The following NXPH1 variants were observed in gnomAD, a reference collection of about 807,000 sequenced individuals.
NXPH1 encodes the protein neurexophilin-1.
A neutral mutation model predicts 23.7 loss-of-function variants in NXPH1; 5 were observed. The observed-to-expected ratio is 0.21, with a 90% CI of 0.11 to 0.44. The LOEUF is 0.44. Among genes scored for constraint, NXPH1 ranks in the 20% least tolerant of loss-of-function variants. The probability of loss-of-function intolerance (pLI) is 0.99; values close to 1 mark genes in which losing one functional copy is unlikely to be tolerated. For synonymous variants in NXPH1, 144 were observed against 122.2 expected (o/e 1.18, Z -1.18); for missense variants, 324 against 321.6 (o/e 1.01, Z -0.06).
chr7:8,689,153 A>G (rs1201750082), intron 2 of NXPH1, among the ~76,000 whole-genome samples: 1 of 152,170 alleles, frequency 6.6e-6, no homozygotes, highest in African/African-American at 2.4e-5. Flanking sequence ...CTAACTTCAT[A>G]TAGGAGGATA....
chr7:8,662,983 G>C (rs1820704070), intron 2 of NXPH1, among the ~76,000 whole-genome samples: 1 of 152,042 alleles, frequency 6.6e-6, no homozygotes, highest in African/African-American at 2.4e-5. Context: ...TTATAACACA[G>C]TAAGTGCTAA....
chr7:8,481,315 C>A (rs562640202), intron 2 of NXPH1, among the ~76,000 whole-genome samples: 1 of 152,224 alleles, frequency 6.6e-6, no homozygotes, highest in Admixed American at 6.5e-5. Context: ...TTCAGAGATA[C>A]CTACGCAGAG....
chr7:8,446,791 A>G (rs1816411841), intron 2 of NXPH1, among the ~76,000 whole-genome samples: 2 of 149,230 alleles, frequency 1.3e-5, no homozygotes, highest in South Asian at 4.2e-4. Flanking sequence ...GGAATGAAGC[A>G]TTTTTTTTTT....
chr7:8,709,378 G>C (rs532825839), intron 2 of NXPH1, among the ~76,000 whole-genome samples: 1 of 152,190 alleles, frequency 6.6e-6, no homozygotes, highest in African/African-American at 2.4e-5. Flanking sequence ...GGTGGGATGA[G>C]TATAAAGAAA....
At chr7:8,745,808 C>A (rs1450554249) in intron 2 of NXPH1, among the ~76,000 whole-genome samples, 1 of 142,078 alleles carries the variant, frequency 7.0e-6, no homozygotes, top group Non-Finnish European at 1.5e-5. Context: ...ACCTCTTTAT[C>A]CTCCTGCCTT....
intron 2 of NXPH1, among the ~76,000 whole-genome samples, chr7:8,576,022 G>C (rs1584243657): frequency 6.6e-6 from 1 of 152,044 alleles, no homozygotes; most frequent in South Asian, 2.1e-4. Flanking sequence ...ATCTCAATAG[G>C]GGATGGGTAT....
rs1583249288 is a variant in NXPH1 at position 8,728,595 on chromosome 7, A to C, written c.55-22413A>C. On this transcript the variant is annotated intron_variant, in intron 2 of 2. Transcript: ENST00000405863. ...GGCCTTTTCTGCATCTATTGAGATA[A>C]TCATGTGGTTTTTGTCTTTGGCTCT... 2.0e-5 allele frequency among the ~76,000 whole-genome samples: 3 copies of C among 152,166 alleles called. No individual in the cohort carries two copies. In the East Asian group the frequency reaches 5.8e-4, roughly 29 times the overall value.
At chr7:8,600,168 G>C (rs1819324837) in intron 2 of NXPH1, among the ~76,000 whole-genome samples, 1 of 152,020 alleles carries the variant, frequency 6.6e-6, no homozygotes, top group Non-Finnish European at 1.5e-5. Flanking sequence ...AGGGCATTGG[G>C]TATATACTCG....
chr7:8,471,486 C>T (rs1349154960), intron 2 of NXPH1, among the ~76,000 whole-genome samples: 1 of 152,104 alleles, frequency 6.6e-6, no homozygotes. Flanking sequence ...AAGATGGGGA[C>T]TGCTGAATCA....
In NXPH1 at chr7:8,751,746, A is replaced by G. The variant is rs1780568089; in HGVS notation, c.793A>G (p.Thr265Ala). Residue 265 changes from threonine (T) to alanine (A), a missense_variant, in exon 3 of 3, where the codon ACA (threonine) becomes GCA (alanine). Coordinates refer to ENST00000405863, the MANE Select transcript of NXPH1 (RefSeq NM_152745.3). This position sits in a 1 kb window ranked among gnomAD's most constrained non-coding sequence, Gnocchi z 4.5. Reference protein sequence around the residue: ...VCPDYNYHSDTPYFPSG With the variant: ...VCPDYNYHSDAPYFPSG ...CCCTGACTACAACTACCACAGTGACACACCTTACTTTCCCTCGGGATGAAG... is the reference window on the plus strand; with the variant it reads ...CCCTGACTACAACTACCACAGTGACGCACCTTACTTTCCCTCGGGATGAAG... 6.2e-7 allele frequency: 1 copy of G among 1,611,266 alleles called. No individual in the cohort carries two copies.
chr7:8,468,190 T>G (rs909828622), intron 2 of NXPH1, among the ~76,000 whole-genome samples: 8 of 152,110 alleles, frequency 5.3e-5, no homozygotes, highest in African/African-American at 1.9e-4. Flanking sequence ...ATATGAGATA[T>G]TCTATAAAGA....
intron 2 of NXPH1, among the ~76,000 whole-genome samples, chr7:8,701,909 G>A (rs1779629063): frequency 6.6e-6 from 1 of 151,964 alleles, no homozygotes; most frequent in African/African-American, 2.4e-5. Flanking sequence ...AAAAGTCTCT[G>A]ATAAGCATCT....
chr7:8,493,962 A>G (rs1249660887), intron 2 of NXPH1, among the ~76,000 whole-genome samples: 1 of 152,066 alleles, frequency 6.6e-6, no homozygotes, highest in Admixed American at 6.6e-5. Flanking sequence ...AGGGATCCAA[A>G]AAATAAAATG....
chr7:8,501,139 G>A (rs899550220), intron 2 of NXPH1, among the ~76,000 whole-genome samples: 4 of 152,074 alleles, frequency 2.6e-5, no homozygotes, highest in South Asian at 2.1e-4. Flanking sequence ...AGCTGTCACA[G>A]ATACGATTTT....
At chr7:8,596,388 T>C (rs929316705) in intron 2 of NXPH1, among the ~76,000 whole-genome samples, 2 of 152,098 alleles carry the variant, frequency 1.3e-5, no homozygotes, top group Non-Finnish European at 2.9e-5. Flanking sequence ...AGACATTTAG[T>C]TATTAGGGCT....
intron 2 of NXPH1, among the ~76,000 whole-genome samples, chr7:8,749,983 G>A (rs1049078009): frequency 2.6e-5 from 4 of 152,164 alleles, no homozygotes; most frequent in East Asian, 3.9e-4. Flanking sequence ...ATAATTTTGC[G>A]GTCCTAGGAG....
At chr7:8,629,520 G>C (rs549325740) in intron 2 of NXPH1, among the ~76,000 whole-genome samples, 4 of 152,220 alleles carry the variant, frequency 2.6e-5, no homozygotes, top group African/African-American at 9.6e-5. Context: ...TTCATAGCTA[G>C]TTAAAAATAA....
chr7:8,456,743 A>T (rs1055501649), intron 2 of NXPH1, among the ~76,000 whole-genome samples: 1 of 152,234 alleles, frequency 6.6e-6, no homozygotes, highest in Admixed American at 6.5e-5. Context: ...AAATAACTGC[A>T]GTAAGAAACA....
At chr7:8,626,487 T>G (rs970082793) in intron 2 of NXPH1, among the ~76,000 whole-genome samples, 1 of 151,960 alleles carries the variant, frequency 6.6e-6, no homozygotes, top group Admixed American at 6.6e-5. Context: ...ACTTTCTCAC[T>G]GCCATGAGGG....
Sources: gnomAD v4.1 joint callset for allele counts (sites outside exome capture counted in the v4.1 genomes callset) on GRCh38, gnomAD v4.1.1 for gene constraint, Gnocchi (gnomAD v3.1) non-coding constraint, MANE v1.5 for transcripts, NCBI Gene and HGNC (gene_info 2026-07-23, HGNC 2026-07-21) for gene names.